HECTD4: variants seen among roughly 807,000 people sequenced by gnomAD.
HECTD4 encodes HECT domain E3 ubiquitin protein ligase 4.
In HECTD4, 114 loss-of-function variants were observed where a neutral mutation model predicts 471.5. That is an observed-to-expected ratio of 0.24 (90% CI 0.21 to 0.28). The LOEUF (loss-of-function observed/expected upper bound fraction) is 0.28. Ranked by LOEUF, HECTD4 falls within the 10% of genes least tolerant of loss-of-function variation. The pLI, the probability that HECTD4 is intolerant of heterozygous loss-of-function variation, is 1.00. For missense variants in HECTD4, 3,866 were observed against 5,651.5 expected (o/e 0.68, Z 10.13); for synonymous variants, 2,012 against 2,256.0 (o/e 0.89, Z 3.07).
intron 18 of HECTD4, 103 bp downstream of exon 18, chr12:112,261,202 C>A (rs559045266): frequency 2.1e-4 from 264 of 1,237,102 alleles, no homozygotes; most frequent in Non-Finnish European, 2.5e-4. Flanking sequence ...AAAAATCTCT[C>A]TATATAAAAT....
intron 17 of HECTD4, among the ~76,000 whole-genome samples, chr12:112,263,724 TACACACACACACAC>T (rs367597011): frequency 4.8e-5 from 6 of 125,118 alleles, no homozygotes; most frequent in East Asian, 2.1e-4. Flanking sequence ...TATATATATA[TACACACACACACAC>T]ACACACACAC....
At chr12:112,327,538 T>C (rs557737612) in intron 1 of HECTD4, among the ~76,000 whole-genome samples, 11 of 152,278 alleles carry the variant, frequency 7.2e-5, no homozygotes, top group South Asian at 6.2e-4. Flanking sequence ...TTTGTGAAAA[T>C]AGAAACATGG....
In HECTD4 at chr12:112,228,086, C is replaced by A; in HGVS notation, c.6854+3G>T. 1 of 1,608,058 alleles carries A rather than the reference C, an allele frequency of 6.2e-7. No individual in the cohort carries two copies. The highest frequency in any genetic ancestry group is 1.1e-5 in the South Asian group (1 of 89,978). On this transcript the variant is annotated splice_donor_region_variant and intron_variant, in intron 43 of 75. Transcript: ENST00000682272. The surrounding 1 kb of genome is among the most constrained non-coding windows in gnomAD (Gnocchi z 4.9). ...CATAAGGCAATGTGGGGAGGGTACT[C>A]ACCTTGTCCTTATTTCAGCAAGGAG...
chr12:112,308,163 T>C (rs999298447), intron 6 of HECTD4, among the ~76,000 whole-genome samples: 23 of 152,200 alleles, frequency 1.5e-4, no homozygotes, highest in Non-Finnish European at 2.8e-4. Context: ...GTGTGTTATG[T>C]TCTAAGGATA....
At chr12:112,192,226 G>T (rs1460494598) in intron 59 of HECTD4, among the ~76,000 whole-genome samples, 1 of 152,176 alleles carries the variant, frequency 6.6e-6, no homozygotes, top group African/African-American at 2.4e-5. Context: ...ATGGCAACTG[G>T]GATTATCATA....
chr12:112,283,058 G>C, intron 8 of HECTD4, 52 bp downstream of exon 8: 1 of 1,456,322 alleles, frequency 6.9e-7, no homozygotes, highest in Non-Finnish European at 9.4e-7. Flanking sequence ...ATAAGACGTA[G>C]CTGAACAGAG....
intron 44 of HECTD4, among the ~76,000 whole-genome samples, chr12:112,220,048 T>C (rs1407479057): frequency 6.6e-6 from 1 of 152,156 alleles, no homozygotes; most frequent in East Asian, 1.9e-4. Flanking sequence ...GTATTTATCA[T>C]CTCACTTGCA....
At chr12:112,169,916 C>A in intron 69 of HECTD4, 1 of 585,806 alleles carries the variant, frequency 1.7e-6, no homozygotes, top group South Asian at 2.0e-5. Flanking sequence ...CTTCCCTCTG[C>A]CTCTTGGGGA....
At chr12:112,325,799 T>C (rs919442921) in intron 1 of HECTD4, among the ~76,000 whole-genome samples, 6 of 151,504 alleles carry the variant, frequency 4.0e-5, no homozygotes, top group African/African-American at 1.2e-4. Flanking sequence ...ACATAACATA[T>C]GTGTTTTGTT....
intron 16 of HECTD4, among the ~76,000 whole-genome samples, chr12:112,264,418 C>T (rs1247542157): frequency 6.6e-6 from 1 of 152,096 alleles, no homozygotes; most frequent in African/African-American, 2.4e-5. Context: ...CCTTTTGGTA[C>T]ACAATCCTCA....
At chr12:112,360,429 C>T (rs1186627251) in intron 1 of HECTD4, among the ~76,000 whole-genome samples, 3 of 152,124 alleles carry the variant, frequency 2.0e-5, no homozygotes, top group African/African-American at 7.2e-5. Context: ...AAAAGGGTTT[C>T]CATTGGAAGC....
At chr12:112,230,473 A>G (rs1477702682) in intron 40 of HECTD4, among the ~76,000 whole-genome samples, 2 of 152,220 alleles carry the variant, frequency 1.3e-5, no homozygotes, top group Non-Finnish European at 2.9e-5. Flanking sequence ...ATACTGTCCT[A>G]TCGTCTGCAA....
At chr12:112,325,497 T>C (rs1373743690) in intron 1 of HECTD4, among the ~76,000 whole-genome samples, 1 of 152,226 alleles carries the variant, frequency 6.6e-6, no homozygotes, top group Admixed American at 6.5e-5. Flanking sequence ...AAAGACATCA[T>C]ACCTTTGGGT....
chr12:112,303,452 G>A (rs1375055310), intron 7 of HECTD4, among the ~76,000 whole-genome samples: 1 of 152,214 alleles, frequency 6.6e-6, no homozygotes, highest in Non-Finnish European at 1.5e-5. Context: ...AAGAGATACT[G>A]CCTAGAGTTC....
intron 1 of HECTD4, among the ~76,000 whole-genome samples, chr12:112,329,050 CTTG>C (rs1335682353): frequency 6.6e-6 from 1 of 152,208 alleles, no homozygotes; most frequent in Non-Finnish European, 1.5e-5. Flanking sequence ...AAAGTTCCAT[CTTG>C]TTGTGGCCCC....
intron 60 of HECTD4, among the ~76,000 whole-genome samples, chr12:112,189,057 A>G (rs185237047): frequency 6.6e-6 from 1 of 152,142 alleles, no homozygotes; most frequent in Non-Finnish European, 1.5e-5. Flanking sequence ...TTTTGCAGAG[A>G]AAGGGTCTGG....
At chr12:112,233,214 CTTTT>C (rs546999938) in intron 37 of HECTD4, 129 bp from the exon 38 acceptor site, 5,227 of 232,938 alleles carry the variant, frequency 0.022, no homozygotes, top group Middle Eastern at 0.037. Flanking sequence ...CTAACATTAG[CTTTT>C]TTTTTTTTTT....
chr12:112,292,574 T>C (rs2034910630), intron 7 of HECTD4, among the ~76,000 whole-genome samples: 1 of 152,156 alleles, frequency 6.6e-6, no homozygotes, highest in South Asian at 2.1e-4. Flanking sequence ...CTTTGTAATG[T>C]AGGAGATGAA....
intron 1 of HECTD4, among the ~76,000 whole-genome samples, chr12:112,348,029 G>A (rs1438394306): frequency 6.6e-6 from 1 of 152,200 alleles, no homozygotes; most frequent in Non-Finnish European, 1.5e-5. Flanking sequence ...AGGCCATAGA[G>A]ATCTACCATA....
Sources: allele counts gnomAD v4.1 joint callset (sites outside exome capture counted in the v4.1 genomes callset), GRCh38; gene constraint gnomAD v4.1.1; non-coding constraint Gnocchi (gnomAD v3.1); transcripts MANE v1.5; gene names NCBI Gene and HGNC (gene_info 2026-07-23, HGNC 2026-07-21).